DPP6: variants seen among roughly 807,000 people sequenced by gnomAD.
DPP6 encodes the protein dipeptidyl peptidase like 6.
DPP6 carries 69 observed loss-of-function variants against 122.6 expected under a neutral mutation model. The observed-to-expected ratio is 0.56, with a 90% CI of 0.46 to 0.69. The LOEUF (loss-of-function observed/expected upper bound fraction) is 0.69, where lower values mean the gene tolerates loss of function less well. Ranked by LOEUF, DPP6 falls within the 30% of genes least tolerant of loss-of-function variation. The pLI, the probability that DPP6 is intolerant of heterozygous loss-of-function variation, is 0.00. For missense variants in DPP6, 928 were observed against 1,116.9 expected (o/e 0.83, Z 2.41); for synonymous variants, 418 against 433.1 (o/e 0.97, Z 0.43).
At chr7:154,322,273 A>G (rs994527041) in intron 1 of DPP6, among the ~76,000 whole-genome samples, 1 of 152,126 alleles carries the variant, frequency 6.6e-6, no homozygotes, top group Non-Finnish European at 1.5e-5. Flanking sequence ...TGCTCCCATC[A>G]CATTAGGATG....
At chr7:154,647,465 A>C (rs1836557694) in intron 6 of DPP6, among the ~76,000 whole-genome samples, 1 of 152,138 alleles carries the variant, frequency 6.6e-6, no homozygotes, top group African/African-American at 2.4e-5. Flanking sequence ...TTACTTAATG[A>C]TATTCAGTAA....
chr7:154,041,589 A>C (rs1455859070), intron 1 of DPP6, among the ~76,000 whole-genome samples: 6 of 152,182 alleles, frequency 3.9e-5, no homozygotes, highest in Non-Finnish European at 7.3e-5. Flanking sequence ...TGTGTCCAAC[A>C]GGAATGCTTT....
chr7:154,146,709 A>C (rs921022921), intron 1 of DPP6, among the ~76,000 whole-genome samples: 4 of 152,258 alleles, frequency 2.6e-5, no homozygotes, highest in Non-Finnish European at 4.4e-5. Context: ...TTGGTAGACA[A>C]GGGACAGAAG....
Position 154,861,793 on chromosome 7 carries a change from T to A in DPP6, c.1715-6202T>A, listed in dbSNP as rs539381491. On this transcript the variant is annotated intron_variant, in intron 17 of 25. Coordinates refer to ENST00000377770, the MANE Select transcript of DPP6 (RefSeq NM_130797.4). The stretch of plus-strand genomic sequence containing the variant: ...ACCTGACTCATTTCCAGAGAAGACC[T>A]TGTCAGAAACGTGTGCGCTCCTGGT... Among the ~76,000 whole-genome samples the A allele has an allele frequency of 2.0e-5, 3 of 152,304 alleles. No homozygotes were observed. In the South Asian group the frequency reaches 6.2e-4, roughly 32 times the overall value.
chr7:154,171,617 C>T (rs1797537416), intron 1 of DPP6, among the ~76,000 whole-genome samples: 2 of 152,274 alleles, frequency 1.3e-5, no homozygotes, highest in South Asian at 4.1e-4. Context: ...CCATCTCCCA[C>T]CTGCAGCCCA....
chr7:154,125,082 G>T (rs1240980518), intron 1 of DPP6, among the ~76,000 whole-genome samples: 7 of 152,240 alleles, frequency 4.6e-5, no homozygotes, highest in Non-Finnish European at 1.0e-4. Flanking sequence ...CCATTGGTAT[G>T]CAGCGTGGAG....
In DPP6 at chr7:153,892,010, C is replaced by T. The variant is rs563683698; in HGVS notation, c.51+4276C>T. Among the ~76,000 whole-genome samples, 161 of 152,308 alleles carry T rather than the reference C, an allele frequency of 1.1e-3. 1 individual carries two copies. The Middle Eastern group carries it at 0.027, about 26-fold the overall frequency. The stretch of plus-strand genomic sequence containing the variant: ...TCCCTGTATAGGGAAAGCTGGAGTT[C>T]TTCCTTGTGCTCACTGACACTGGTT... On this transcript the variant is annotated intron_variant, in intron 1 of 25. Transcript: ENST00000404039.
At chr7:154,502,017 A>T (rs1825296045) in intron 3 of DPP6, among the ~76,000 whole-genome samples, 1 of 152,206 alleles carries the variant, frequency 6.6e-6, no homozygotes, top group Non-Finnish European at 1.5e-5. Context: ...ATGGAGTCAA[A>T]AAAGATCATT....
At chr7:154,747,951 T>C (rs953058379) in intron 8 of DPP6, among the ~76,000 whole-genome samples, 23 of 152,328 alleles carry the variant, frequency 1.5e-4, no homozygotes, top group African/African-American at 5.5e-4. Context: ...GTCACTGAGA[T>C]ATGTTGATCT....
Position 154,822,418 on chromosome 7 carries a change from C to A in DPP6, c.1666+15306C>A, listed in dbSNP as rs7782687. Among the ~76,000 whole-genome samples, 801 of 152,202 alleles carry A rather than the reference C, an allele frequency of 5.3e-3. 10 individuals are homozygous for A. Among genetic ancestry groups the A allele is most frequent in the African/African-American group, 0.018 (758 of 41,518 alleles). On this transcript the variant is annotated intron_variant, in intron 16 of 25. Coordinates refer to ENST00000377770, the MANE Select transcript of DPP6 (RefSeq NM_130797.4). ...GGGCCTTTTTTATTAAAACCCTAATCCTATTCAGAGGCCTCCACCCTCGTG... is the reference window on the plus strand; with the variant it reads ...GGGCCTTTTTTATTAAAACCCTAATACTATTCAGAGGCCTCCACCCTCGTG...
chr7:154,301,574 T>G (rs753081871), intron 1 of DPP6, among the ~76,000 whole-genome samples: 19 of 152,144 alleles, frequency 1.2e-4, no homozygotes, highest in Admixed American at 3.9e-4. Flanking sequence ...CTCTAGATGA[T>G]GGCACCGATA....
intron 6 of DPP6, among the ~76,000 whole-genome samples, chr7:154,660,155 A>G (rs1007127438): frequency 6.6e-6 from 1 of 152,384 alleles, no homozygotes; most frequent in Middle Eastern, 3.4e-3. Flanking sequence ...TAAAAGTGGA[A>G]TTAGTGAATC....
At chr7:153,996,997 G>A (rs1797468708) in intron 1 of DPP6, among the ~76,000 whole-genome samples, 1 of 151,962 alleles carries the variant, frequency 6.6e-6, no homozygotes, top group African/African-American at 2.4e-5. Flanking sequence ...AGGTAATATT[G>A]TCTCTGAATT....
At chr7:154,052,049 G>C (rs1384992958), upstream of DPP6, among the ~76,000 whole-genome samples, 2 of 151,428 alleles carry the variant, frequency 1.3e-5, no homozygotes, top group Non-Finnish European at 3.0e-5. This position sits in a 1 kb window ranked among gnomAD's most constrained non-coding sequence, Gnocchi z 4.8. Flanking sequence ...ACCTTCAGTC[G>C]CCCCCTGGCC....
chr7:153,767,972 T>C, the DPP6 span, among the ~76,000 whole-genome samples: 3 of 152,028 alleles, frequency 2.0e-5, no homozygotes, highest in African/African-American at 7.2e-5. Flanking sequence ...TTTTAAGAAC[T>C]TGAAAAGTAT....
intron 16 of DPP6, among the ~76,000 whole-genome samples, chr7:154,813,211 G>C (rs1480274483): frequency 6.6e-6 from 1 of 151,812 alleles, no homozygotes; most frequent in East Asian, 1.9e-4. Context: ...CTCCTGAGTA[G>C]CTGGGACTAC....
At chr7:153,881,807 G>A in the DPP6 span, among the ~76,000 whole-genome samples, 1 of 152,100 alleles carries the variant, frequency 6.6e-6, no homozygotes, top group African/African-American at 2.4e-5. Context: ...GGTCCTAATG[G>A]CTAAATTTGT....
intron 1 of DPP6, among the ~76,000 whole-genome samples, chr7:154,366,008 C>T (rs975612982): frequency 5.3e-5 from 8 of 151,114 alleles, no homozygotes; most frequent in Non-Finnish European, 1.2e-4. Flanking sequence ...AGCCTTGTCT[C>T]TATCTTCCGG....
chr7:154,389,661 A>C (rs1400978348), intron 1 of DPP6, among the ~76,000 whole-genome samples: 1 of 152,200 alleles, frequency 6.6e-6, no homozygotes. Flanking sequence ...CAAATTTATG[A>C]GCTAGATAAT....
Sources: allele counts gnomAD v4.1 joint callset (sites outside exome capture counted in the v4.1 genomes callset), GRCh38; gene constraint gnomAD v4.1.1; non-coding constraint Gnocchi (gnomAD v3.1); transcripts MANE v1.5; gene names NCBI Gene and HGNC (gene_info 2026-07-23, HGNC 2026-07-21).